ATP8A2: variants seen among roughly 807,000 people sequenced by gnomAD.
ATP8A2 encodes the protein phospholipid-transporting ATPase IB.
A neutral mutation model predicts 165.6 loss-of-function variants in ATP8A2; 100 were observed. The observed-to-expected ratio is 0.60, with a 90% CI of 0.51 to 0.71. ATP8A2 has a LOEUF of 0.71. Among genes scored for constraint, ATP8A2 ranks in the 30% least tolerant of loss-of-function variants. The pLI, the probability that ATP8A2 is intolerant of heterozygous loss-of-function variation, is 0.00. For missense variants in ATP8A2, 1,227 were observed against 1,479.5 expected (o/e 0.83, Z 2.80); for synonymous variants, 543 against 548.8 (o/e 0.99, Z 0.15).
intron 25 of ATP8A2, among the ~76,000 whole-genome samples, chr13:25,735,588 A>C (rs917146691): frequency 6.6e-6 from 1 of 151,790 alleles, no homozygotes; most frequent in South Asian, 2.1e-4. Flanking sequence ...GTTAGAAAAA[A>C]AAACTGACAG....
At chr13:25,812,955 T>C (rs1457203098) in intron 27 of ATP8A2, among the ~76,000 whole-genome samples, 1 of 152,040 alleles carries the variant, frequency 6.6e-6, no homozygotes, top group African/African-American at 2.4e-5. Context: ...TGGAAGCCAT[T>C]ACCCTCAGCA....
chr13:25,977,174 G>GGCAAGGCCAGTTAAAGCTC (rs1566320256), intron 35 of ATP8A2, among the ~76,000 whole-genome samples: 1 of 151,794 alleles, frequency 6.6e-6, no homozygotes, highest in African/African-American at 2.4e-5. Flanking sequence ...TCCACCCACA[G>GGCAAGGCCAGTTAAAGCTC]TCACCTTCGT....
At chr13:25,802,715 A>G (rs1218960146) in intron 27 of ATP8A2, among the ~76,000 whole-genome samples, 5 of 152,164 alleles carry the variant, frequency 3.3e-5, no homozygotes, top group African/African-American at 1.2e-4. Flanking sequence ...CAATTTCATC[A>G]TAAAAGTCAA....
At chr13:25,841,351 C>G (rs1353510375) in intron 30 of ATP8A2, among the ~76,000 whole-genome samples, 12 of 152,136 alleles carry the variant, frequency 7.9e-5, no homozygotes, top group Admixed American at 7.9e-4. Context: ...CTTTTTTCCT[C>G]TTTTTATTAT....
chr13:25,790,693 CAAAA>C (rs113185440), intron 27 of ATP8A2, among the ~76,000 whole-genome samples: 2 of 92,644 alleles, frequency 2.2e-5, no homozygotes, highest in Admixed American at 1.2e-4. Context: ...GACCTTGTCT[CAAAA>C]AAAAAAAAAA....
intron 28 of ATP8A2, among the ~76,000 whole-genome samples, chr13:25,831,718 CTGTAA>C (rs1951477401): frequency 6.6e-6 from 1 of 151,506 alleles, no homozygotes; most frequent in Non-Finnish European, 1.5e-5. Context: ...CGGTGTGCAC[CTGTAA>C]TCCCAGCTAC....
At chr13:25,705,382 C>T in intron 25 of ATP8A2, 1 of 173,114 alleles carries the variant, frequency 5.8e-6, no homozygotes, top group Non-Finnish European at 1.2e-5. Flanking sequence ...GGCACTGCCT[C>T]ATTAGCAGAT....
intron 33 of ATP8A2, among the ~76,000 whole-genome samples, chr13:25,959,242 T>C (rs1955601220): frequency 6.6e-6 from 1 of 152,198 alleles, no homozygotes; most frequent in Non-Finnish European, 1.5e-5. Context: ...CCAAAATACA[T>C]GTGTTCTGTA....
chr13:25,667,154 C>T (rs548153786), intron 24 of ATP8A2, among the ~76,000 whole-genome samples: 3 of 152,278 alleles, frequency 2.0e-5, no homozygotes, highest in Admixed American at 2.0e-4. Flanking sequence ...CAACTCTTTC[C>T]CCTCAAAATC....
At chr13:26,003,451 A>G (rs771557892) in intron 35 of ATP8A2, among the ~76,000 whole-genome samples, 13 of 151,918 alleles carry the variant, frequency 8.6e-5, no homozygotes, top group Non-Finnish European at 1.3e-4. Flanking sequence ...ATAGCTTGCA[A>G]ATATTTTCTC....
intron 2 of ATP8A2, among the ~76,000 whole-genome samples, chr13:25,510,699 A>G (rs2037198520): frequency 6.6e-6 from 1 of 152,204 alleles, no homozygotes; most frequent in Admixed American, 6.5e-5. Flanking sequence ...GATATCAGAT[A>G]TGAGTAGTTA....
At chr13:25,951,257 C>T (rs999464765) in intron 33 of ATP8A2, among the ~76,000 whole-genome samples, 17 of 152,244 alleles carry the variant, frequency 1.1e-4, no homozygotes, top group African/African-American at 2.6e-4. Context: ...AACAAGAGAC[C>T]GGATAAACAA....
chr13:25,456,519 G>A (rs1186291349), intron 1 of ATP8A2, among the ~76,000 whole-genome samples: 3 of 152,218 alleles, frequency 2.0e-5, no homozygotes, highest in African/African-American at 7.2e-5. Flanking sequence ...ATGCATAGAG[G>A]AGGGGGGATC....
intron 27 of ATP8A2, among the ~76,000 whole-genome samples, chr13:25,810,167 C>T (rs1468771562): frequency 6.6e-6 from 1 of 152,226 alleles, no homozygotes; most frequent in African/African-American, 2.4e-5. Flanking sequence ...GTGGGAAAAG[C>T]ACTCTCTCTG....
chr13:25,900,338 T>C (rs1157417800), intron 33 of ATP8A2, among the ~76,000 whole-genome samples: 1 of 152,094 alleles, frequency 6.6e-6, no homozygotes, highest in Admixed American at 6.5e-5. Context: ...CCCTCTGACA[T>C]GAAAAGGTGC....
chr13:25,962,066 A>G (rs569060144), intron 34 of ATP8A2, among the ~76,000 whole-genome samples: 1 of 152,254 alleles, frequency 6.6e-6, no homozygotes, highest in East Asian at 1.9e-4. Flanking sequence ...ATACAGACAC[A>G]AAGGAGCCCT....
chr13:25,859,393 T>A (rs1471229774), intron 30 of ATP8A2, among the ~76,000 whole-genome samples: 1 of 151,948 alleles, frequency 6.6e-6, no homozygotes. Context: ...GAAATAAGAA[T>A]AAAGGAAGGT....
chr13:25,474,737 G>GT (rs376931933), intron 2 of ATP8A2, among the ~76,000 whole-genome samples: 4 of 151,820 alleles, frequency 2.6e-5, no homozygotes, highest in African/African-American at 9.7e-5. Context: ...CGGGATATGT[G>GT]TGCAGGTTTG....
intron 33 of ATP8A2, among the ~76,000 whole-genome samples, chr13:25,878,986 C>G (rs1952897219): frequency 6.6e-6 from 1 of 152,188 alleles, no homozygotes; most frequent in Non-Finnish European, 1.5e-5. Flanking sequence ...TACCACCGGT[C>G]TCCTTGCAGA....
Sources: allele counts gnomAD v4.1 joint callset (sites outside exome capture counted in the v4.1 genomes callset), GRCh38; gene constraint gnomAD v4.1.1; transcripts MANE v1.5; gene names NCBI Gene and HGNC (gene_info 2026-07-23, HGNC 2026-07-21).